The following MACROD2 variants were observed in gnomAD, a reference collection of about 807,000 sequenced individuals.
The protein encoded by MACROD2 is mono-ADP ribosylhydrolase 2.
A neutral mutation model predicts 70.4 loss-of-function variants in MACROD2; 36 were observed. That is an observed-to-expected ratio of 0.51 (90% CI 0.39 to 0.68). MACROD2 has a LOEUF of 0.68. Among genes scored for constraint, MACROD2 ranks in the 30% least tolerant of loss-of-function variants. MACROD2 has a pLI of 0.00. For synonymous variants in MACROD2, 172 were observed against 178.8 expected (o/e 0.96, Z 0.30); for missense variants, 496 against 538.4 (o/e 0.92, Z 0.78).
chr20:15,459,209 A>G (rs2046775122), intron 7 of MACROD2, among the ~76,000 whole-genome samples: 1 of 152,150 alleles, frequency 6.6e-6, no homozygotes, highest in Non-Finnish European at 1.5e-5. Flanking sequence ...TAGAGAGAGA[A>G]TAAAATCTCT....
chr20:15,938,237 G>A (rs1315382677), intron 12 of MACROD2, among the ~76,000 whole-genome samples: 1 of 152,080 alleles, frequency 6.6e-6, no homozygotes, highest in East Asian at 1.9e-4. Context: ...GTCCCCAGAT[G>A]GAAAAGTAAT....
chr20:15,132,237 G>T (rs2076111888), intron 5 of MACROD2, among the ~76,000 whole-genome samples: 1 of 151,912 alleles, frequency 6.6e-6, no homozygotes, highest in Non-Finnish European at 1.5e-5. Context: ...GTTTTCAGCT[G>T]CAGGAAATGC....
intron 2 of MACROD2, among the ~76,000 whole-genome samples, chr20:14,050,845 A>T (rs2053557518): frequency 6.6e-6 from 1 of 152,208 alleles, no homozygotes; most frequent in Non-Finnish European, 1.5e-5. Flanking sequence ...AGTTGAAGAA[A>T]CATACTGGAA....
intron 5 of MACROD2, among the ~76,000 whole-genome samples, chr20:15,161,834 C>T (rs1396488277): frequency 6.6e-6 from 1 of 151,982 alleles, no homozygotes; most frequent in East Asian, 1.9e-4. Context: ...TAGAATTAAT[C>T]ACTCAACATT....
chr20:15,879,218 G>C (rs577978164), intron 9 of MACROD2, among the ~76,000 whole-genome samples: 6 of 152,202 alleles, frequency 3.9e-5, no homozygotes, highest in Non-Finnish European at 7.4e-5. Context: ...GAAGTATGAT[G>C]CTTGGAGAAC....
At chr20:14,792,515 G>A (rs548574066) in intron 5 of MACROD2, among the ~76,000 whole-genome samples, 22 of 152,048 alleles carry the variant, frequency 1.4e-4, no homozygotes, top group African/African-American at 4.6e-4. Context: ...GTGATCTGCC[G>A]AAACCCTCCT....
chr20:14,072,117 GT>G (rs2053852499), intron 2 of MACROD2, among the ~76,000 whole-genome samples: 1 of 152,182 alleles, frequency 6.6e-6, no homozygotes, highest in African/African-American at 2.4e-5. Flanking sequence ...TGTGTTGTAT[GT>G]TATAAAATTT....
intron 3 of MACROD2, among the ~76,000 whole-genome samples, chr20:14,225,578 C>G (rs187091826): frequency 1.6e-3 from 247 of 152,288 alleles, no homozygotes; most frequent in Non-Finnish European, 2.1e-3. Flanking sequence ...ATCTTCAGAT[C>G]AATATCGCCT....
At chr20:15,671,171 G>T (rs546098026) in intron 8 of MACROD2, among the ~76,000 whole-genome samples, 2 of 152,284 alleles carry the variant, frequency 1.3e-5, no homozygotes, top group South Asian at 2.1e-4. Context: ...GGCTGAGCAC[G>T]TTGTTTCTCC....
At chr20:14,812,095 G>A (rs4401269) in intron 5 of MACROD2, among the ~76,000 whole-genome samples, 151,707 of 152,184 alleles carry the variant, frequency 1, 75,619 homozygotes, top group East Asian at 1. Flanking sequence ...CCAAAGGATT[G>A]TAAATCATTC....
At position 15,356,416 on chromosome 20, in the gene MACROD2, A is replaced by G. The variant is rs1207473092; in HGVS notation, c.541-74989A>G. 2.0e-5 allele frequency among the ~76,000 whole-genome samples: 3 copies of G among 152,304 alleles called. No individual in the cohort carries two copies. The East Asian group carries it at 5.8e-4, about 29-fold the overall frequency. On this transcript the variant is annotated intron_variant, in intron 6 of 17. Coordinates refer to ENST00000684519, the MANE Select transcript of MACROD2 (RefSeq NM_001351661.2). ...TTTTAAGTCAAATCTCTCCAGTATA[A>G]AAGTTGAATATATCAAGGGTCTATA...
chr20:15,696,730 G>T (rs959758877), intron 8 of MACROD2, among the ~76,000 whole-genome samples: 1 of 118,294 alleles, frequency 8.5e-6, no homozygotes, highest in Non-Finnish European at 1.7e-5. Context: ...CAATCTTGCT[G>T]CTTGTTATTG....
intron 4 of MACROD2, among the ~76,000 whole-genome samples, chr20:14,623,450 T>C (rs530302552): frequency 6.6e-6 from 1 of 152,236 alleles, no homozygotes; most frequent in East Asian, 1.9e-4. Context: ...GGCAAGGGCT[T>C]TGGGAGATGG....
At chr20:14,206,227 C>T (rs113849186) in intron 3 of MACROD2, among the ~76,000 whole-genome samples, 10 of 152,296 alleles carry the variant, frequency 6.6e-5, no homozygotes, top group African/African-American at 2.2e-4. Flanking sequence ...GTCAGTCATA[C>T]CGCAGTTTAG....
intron 6 of MACROD2, among the ~76,000 whole-genome samples, chr20:15,326,854 G>T (rs1267882576): frequency 6.6e-6 from 1 of 152,136 alleles, no homozygotes; most frequent in African/African-American, 2.4e-5. Flanking sequence ...CAGGGTGAGG[G>T]AAGAGTTAAA....
chr20:15,606,351 T>C (rs920617442), intron 8 of MACROD2, among the ~76,000 whole-genome samples: 2 of 152,172 alleles, frequency 1.3e-5, no homozygotes, highest in African/African-American at 4.8e-5. Flanking sequence ...TTTTCCTGCC[T>C]CTACTCCTGG....
rs984361875 is a variant in MACROD2, at chr20:15,525,063, T to C, written c.645+25216T>C. Among the ~76,000 whole-genome samples the C allele has an allele frequency of 1.4e-4, 21 of 152,316 alleles. 1 individual carries two copies. Among genetic ancestry groups the C allele is most frequent in the Admixed American group, 1.1e-3 (17 of 15,308 alleles). ...CCCCACTGGCTTAAGCTTGTTTGCT[T>C]TGCTTAGGTCTTTCCATTAGTCCAA... On this transcript the variant is annotated intron_variant, in intron 8 of 17. Transcript: ENST00000684519.
chr20:15,135,696 T>C (rs2076141729), intron 5 of MACROD2, among the ~76,000 whole-genome samples: 1 of 111,962 alleles, frequency 8.9e-6, no homozygotes, highest in South Asian at 3.3e-4. Context: ...TTCAACATAG[T>C]GTTGGAAGTT....
At chr20:14,433,481 T>C (rs2084019028) in intron 3 of MACROD2, among the ~76,000 whole-genome samples, 1 of 152,112 alleles carries the variant, frequency 6.6e-6, no homozygotes, top group South Asian at 2.1e-4. Context: ...GACAAATAAA[T>C]GATTTTGGAA....
Sources: allele counts gnomAD v4.1 joint callset (sites outside exome capture counted in the v4.1 genomes callset), GRCh38; gene constraint gnomAD v4.1.1; transcripts MANE v1.5; gene names NCBI Gene and HGNC (gene_info 2026-07-23, HGNC 2026-07-21).